The following OR6P1 variants were observed in gnomAD, a reference collection of about 807,000 sequenced individuals.
The protein encoded by OR6P1 is olfactory receptor family 6 subfamily P member 1.
Under a neutral mutation model 6.6 loss-of-function variants are expected in OR6P1, and 5 were observed. The observed-to-expected ratio is 0.76, with a 90% CI of 0.40 to 1.60. The LOEUF is 1.60. Ranked by LOEUF, OR6P1 falls within the 40% of genes most tolerant of loss-of-function variation. The pLI, the probability that OR6P1 is intolerant of heterozygous loss-of-function variation, is 0.02. For synonymous variants in OR6P1, 177 were observed against 149.6 expected, an observed-to-expected ratio of 1.18 and a Z score of -1.33; for missense variants, 451 against 383.0, an observed-to-expected ratio of 1.18 and a Z score of -1.48.
intron 1 of OR6P1, among the ~76,000 whole-genome samples, chr1:158,568,222 T>C (rs1345638187): frequency 6.6e-6 from 1 of 152,164 alleles, no homozygotes; most frequent in African/African-American, 2.4e-5. Flanking sequence ...TTCTGAATCA[T>C]AGTACTCAGA....
intron 1 of OR6P1, among the ~76,000 whole-genome samples, chr1:158,568,251 G>T (rs1571340185): frequency 6.6e-6 from 1 of 152,146 alleles, no homozygotes; most frequent in Non-Finnish European, 1.5e-5. Context: ...GTAGCTCTGA[G>T]TATATCACGG....
At position 158,563,386 on chromosome 1, in the gene OR6P1, G is replaced by T. The variant is rs1380016987; in HGVS notation, c.219C>A (p.Tyr73Ter). 3 of 1,551,462 alleles carry T rather than the reference G, an allele frequency of 1.9e-6. No homozygotes were observed. In the Admixed American group the frequency reaches 5.9e-5, roughly 30 times the overall value. ...AGAGCCGAGGAATGGTGACATTGATGTACCATAGCTCCAGGAAAGAGAGAT... is the reference window on the plus strand; with the variant it reads ...AGAGCCGAGGAATGGTGACATTGATTTACCATAGCTCCAGGAAAGAGAGAT... ...LGHLSFLELW[Y>*]INVTIPRLLA... is the part of the protein sequence containing the mutation. Residue 73 changes from tyrosine (Y) to a stop codon, truncating the protein, a stop_gained, in exon 3 of 3, where the codon TAC (tyrosine) becomes TAA (stop). Transcript: ENST00000641540. LOFTEE classifies it high-confidence loss of function.
chr1:158,568,250 A>G (rs1310318814), intron 1 of OR6P1, among the ~76,000 whole-genome samples: 1 of 152,158 alleles, frequency 6.6e-6, no homozygotes, highest in African/African-American at 2.4e-5. Context: ...TGTAGCTCTG[A>G]GTATATCACG....
In OR6P1 at chr1:158,561,995, G is replaced by A. The variant is rs1228641811; in HGVS notation, c.*656C>T. The A allele has an allele frequency of 6.6e-6, 1 of 152,272 alleles. No individual in the cohort carries two copies. Among genetic ancestry groups the A allele is most frequent in the African/African-American group, 2.4e-5 (1 of 41,436 alleles). 9.4% of individuals were successfully genotyped at this position (152,272 alleles called of 1,614,324 possible). Reference sequence around the variant, plus strand: ...TTACATGCCCCTGAGATTCAAAGAAGGGAGATGGAGAGGATAGTTAGCCAT... The same window carrying A: ...TTACATGCCCCTGAGATTCAAAGAAAGGAGATGGAGAGGATAGTTAGCCAT... On this transcript the variant is annotated 3_prime_UTR_variant, in exon 3 of 3. Coordinates refer to ENST00000641540, the MANE Select transcript of OR6P1 (RefSeq NM_001160325.2).
At chr1:158,565,916 T>A (rs191260554) in intron 2 of OR6P1, among the ~76,000 whole-genome samples, 1 of 152,322 alleles carries the variant, frequency 6.6e-6, no homozygotes, top group Non-Finnish European at 1.5e-5. Flanking sequence ...CAGTAACATA[T>A]CATCAAAATT....
chr1:158,566,119 G>A (rs1219380091), intron 2 of OR6P1, among the ~76,000 whole-genome samples: 1 of 151,982 alleles, frequency 6.6e-6, no homozygotes, highest in African/African-American at 2.4e-5. Flanking sequence ...ATTTTGCTAT[G>A]CTTTTCCTTG....
At chr1:158,564,230 T>C (rs1160891078) in intron 2 of OR6P1, among the ~76,000 whole-genome samples, 5 of 152,252 alleles carry the variant, frequency 3.3e-5, no homozygotes, top group Non-Finnish European at 4.4e-5. Context: ...CATATATTTT[T>C]GAATACATTT....
rs770896392 is a variant in OR6P1, at chr1:158,562,601, G to A, written c.*50C>T. ...AAAGCCTATTCTGATTCCTTGAGGA[G>A]GCCCTATTAAGATTCTGCTATTTTC... On this transcript the variant is annotated 3_prime_UTR_variant, in exon 3 of 3. Transcript: ENST00000641540. 4 of 1,007,062 alleles carry A rather than the reference G, an allele frequency of 4.0e-6. No individual in the cohort carries two copies. Among genetic ancestry groups the A allele is most frequent in the Non-Finnish European group, 6.1e-6 (4 of 654,602 alleles). 62.4% of individuals were successfully genotyped at this position (1,007,062 alleles called of 1,614,324 possible). A position where few individuals can be genotyped will look rare whatever the true frequency, so the allele number is the denominator to read the frequency against.
At position 158,562,040 on chromosome 1, in the gene OR6P1, G is replaced by A. The variant is rs1647965471; in HGVS notation, c.*611C>T. 1 of 152,474 alleles carries A rather than the reference G, an allele frequency of 6.6e-6. No homozygotes were observed. The highest frequency in any genetic ancestry group is 1.5e-5 in the Non-Finnish European group (1 of 68,290). The allele number at this position is 152,474 out of a possible 1,614,324, so 9.4% of individuals were successfully genotyped here. ...AGCCATATTGAGTCAAGAATATATG[G>A]CTGAATATCAGCACTGCATCTCTCT... On this transcript the variant is annotated 3_prime_UTR_variant, in exon 3 of 3. Transcript: ENST00000641540.
chr1:158,569,276 T>A (rs140659985), intron 1 of OR6P1, among the ~76,000 whole-genome samples: 1 of 152,324 alleles, frequency 6.6e-6, no homozygotes, highest in East Asian at 1.9e-4. Context: ...AATTAGCTAT[T>A]CACACCAGCA....
rs766522609 is a variant in OR6P1 at position 158,563,428 on chromosome 1, C to T, written c.177G>A (p.Met59Ile). 1.2e-5 allele frequency: 19 copies of T among 1,551,148 alleles called. No individual in the cohort carries two copies. In the African/African-American group the frequency reaches 1.5e-4, roughly 12 times the overall value. ...IWLAPSLHRP[M>I]YFFLGHLSFL... is the part of the protein sequence containing the mutation. The stretch of plus-strand genomic sequence containing the variant: ...AAGAGAGATGGCCAAGGAAAAAGTA[C>T]ATGGGACGATGAAGGCTTGGAGCAA... The change falls in exon 3 of 3, where the codon ATG becomes ATA. Residue 59 changes from methionine (M) to isoleucine (I), a missense_variant. Transcript: ENST00000641540.
Position 158,562,237 on chromosome 1 carries a change from A to C in OR6P1, c.*414T>G, listed in dbSNP as rs1389627918. On this transcript the variant is annotated 3_prime_UTR_variant, in exon 3 of 3. Coordinates refer to ENST00000641540, the MANE Select transcript of OR6P1 (RefSeq NM_001160325.2). ...TTTTTTCTTGGCATGTCCACCAGTA[A>C]GTTCCCTTGTTTTCTCATATTATAT... The C allele has an allele frequency of 6.3e-6, 1 of 157,992 alleles. No homozygotes were observed. The highest frequency in any genetic ancestry group is 1.4e-5 in the Non-Finnish European group (1 of 72,456). 9.8% of individuals were successfully genotyped at this position (157,992 alleles called of 1,614,324 possible). A position where few individuals can be genotyped will look rare whatever the true frequency, so the allele number is the denominator to read the frequency against.
chr1:158,564,398 G>A lies in OR6P1; in HGVS notation c.-22-772C>T, dbSNP rs1024928175. On this transcript the variant is annotated intron_variant, in intron 2 of 2. Transcript: ENST00000641540. Reference sequence around the variant, plus strand: ...TGATTAAATTAAGGACTTTGAGATGGAGGGCTTATCCTGGATTTTCTAGGT... The same window carrying A: ...TGATTAAATTAAGGACTTTGAGATGAAGGGCTTATCCTGGATTTTCTAGGT... 2.6e-5 allele frequency among the ~76,000 whole-genome samples: 4 copies of A among 152,166 alleles called. No homozygotes were observed. In the East Asian group the frequency reaches 7.7e-4, roughly 29 times the overall value.
intron 1 of OR6P1, among the ~76,000 whole-genome samples, chr1:158,567,793 T>TAAATAAATAAATAAATA (rs375171603): frequency 3.4e-5 from 5 of 147,230 alleles, no homozygotes; most frequent in Admixed American, 6.8e-5. Context: ...TAAAGTATAA[T>TAAATAAATAAATAAATA]AATAAATAAA....
Position 158,562,951 on chromosome 1 carries a change from G to A in OR6P1, c.654C>T (p.Tyr218=), listed in dbSNP as rs1474848465. The A allele has an allele frequency of 1.3e-6, 2 of 1,551,726 alleles. No homozygotes were observed. Among genetic ancestry groups the A allele is most frequent in the Middle Eastern group, 1.7e-4 (1 of 5,990 alleles). ...TCAGGATGGCTGCAATGATGGCAGTGTATGATGAAACCACAGCCAATAGAG... is the reference window on the plus strand; with the variant it reads ...TCAGGATGGCTGCAATGATGGCAGTATATGATGAAACCACAGCCAATAGAG... ...LLPLLAVVSS[Y]TAIIAAILRI... The change falls in exon 3 of 3, where the codon TAC becomes TAT. Residue 218 remains tyrosine (Y), a synonymous_variant. Coordinates refer to ENST00000641540, the MANE Select transcript of OR6P1 (RefSeq NM_001160325.2).
chr1:158,567,796 T>C (rs886496713), intron 1 of OR6P1, among the ~76,000 whole-genome samples: 2 of 150,280 alleles, frequency 1.3e-5, no homozygotes, highest in Non-Finnish European at 3.0e-5. Flanking sequence ...AGTATAATAA[T>C]AAATAAATAA....
At position 158,570,566 on chromosome 1, in the gene OR6P1, A is replaced by G. The variant is rs1374845306; in HGVS notation, c.-242T>C. ...GGCTGATTAACTTTTGCCTCTGGGCAGGTATGGTTTGCCCTAGAAACTCTT... is the reference window on the plus strand; with the variant it reads ...GGCTGATTAACTTTTGCCTCTGGGCGGGTATGGTTTGCCCTAGAAACTCTT... On this transcript the variant is annotated 5_prime_UTR_variant, in exon 1 of 3. Transcript: ENST00000641540. 1 of 152,188 alleles carries G rather than the reference A, an allele frequency of 6.6e-6. No individual in the cohort carries two copies. Among genetic ancestry groups the G allele is most frequent in the Admixed American group, 6.5e-5 (1 of 15,272 alleles). 9.4% of individuals were successfully genotyped at this position (152,188 alleles called of 1,614,324 possible). A position where few individuals can be genotyped will look rare whatever the true frequency, so the allele number is the denominator to read the frequency against.
rs1459494536 is a variant in OR6P1, at chr1:158,561,669, C to G, written c.*982G>C. On this transcript the variant is annotated 3_prime_UTR_variant, in exon 3 of 3. Coordinates refer to ENST00000641540, the MANE Select transcript of OR6P1 (RefSeq NM_001160325.2). ...TTCTCTGAACAATTCAAGTAACTTT[C>G]CAAAAATCAAAGGAACTTGCTAGAA... The G allele has an allele frequency of 6.6e-6, 1 of 152,100 alleles. No homozygotes were observed. Among genetic ancestry groups the G allele is most frequent in the Non-Finnish European group, 1.5e-5 (1 of 68,006 alleles). 9.4% of individuals were successfully genotyped at this position (152,100 alleles called of 1,614,324 possible). A position where few individuals can be genotyped will look rare whatever the true frequency, so the allele number is the denominator to read the frequency against.
intron 1 of OR6P1, among the ~76,000 whole-genome samples, chr1:158,567,717 G>A (rs565233628): frequency 5.7e-4 from 85 of 149,952 alleles, no homozygotes; most frequent in African/African-American, 2.0e-3. Flanking sequence ...TGGGTGCAGC[G>A]CACCAGCATG....
Sources: gnomAD v4.1 joint callset for allele counts (sites outside exome capture counted in the v4.1 genomes callset) on GRCh38, gnomAD v4.1.1 for gene constraint, MANE v1.5 for transcripts, NCBI Gene and HGNC (gene_info 2026-07-23, HGNC 2026-07-21) for gene names.